Variants in PTPN14 observed in about 807,000 individuals in gnomAD.
PTPN14 encodes protein tyrosine phosphatase non-receptor type 14.
In PTPN14, 53 loss-of-function variants were observed where a neutral mutation model predicts 126.8. The ratio of observed to expected loss-of-function variants is 0.42; its 90% CI spans 0.34 to 0.53. The LOEUF is 0.53. Among genes scored for constraint, PTPN14 ranks in the 20% least tolerant of loss-of-function variants. The probability of loss-of-function intolerance (pLI) is 0.08; values close to 1 mark genes in which losing one functional copy is unlikely to be tolerated. For synonymous variants in PTPN14, 630 were observed against 599.3 expected (o/e 1.05, Z -0.75); for missense variants, 1,257 against 1,552.9 (o/e 0.81, Z 3.20).
intron 1 of PTPN14, chr1:214,533,134 T>C: frequency 1.3e-6 from 1 of 749,408 alleles, no homozygotes; most frequent in Non-Finnish European, 2.4e-6. Flanking sequence ...GAAGGCCAGC[T>C]TGGAGAACAG....
chr1:214,526,819 C>T (rs1025886355), intron 1 of PTPN14, among the ~76,000 whole-genome samples: 3 of 152,102 alleles, frequency 2.0e-5, no homozygotes, highest in Admixed American at 6.6e-5. Context: ...GGGCCGGGCG[C>T]GGTGGCTCAC....
Position 214,402,956 on chromosome 1 carries a change from A to T in PTPN14, c.511-3T>A, listed in dbSNP as rs375018363. ...ACAGCCTCTTCCAGGGCCAAATCCT[A>T]TAAGAATAGAAAGTGCTTAAGGTCA... On this transcript the variant is annotated splice_polypyrimidine_tract_variant and splice_region_variant and intron_variant, in intron 5 of 18. Coordinates refer to ENST00000366956, the MANE Select transcript of PTPN14 (RefSeq NM_005401.5). 10 of 1,613,910 alleles carry T rather than the reference A, an allele frequency of 6.2e-6. No homozygotes were observed. In the South Asian group the frequency reaches 9.9e-5, roughly 16 times the overall value.
chr1:214,481,561 A>G (rs1571610777), intron 1 of PTPN14, among the ~76,000 whole-genome samples: 1 of 151,106 alleles, frequency 6.6e-6, no homozygotes, highest in Non-Finnish European at 1.5e-5. Context: ...CTAGTTATCT[A>G]TTACATATGA....
At chr1:214,495,777 C>T (rs970388945) in intron 1 of PTPN14, among the ~76,000 whole-genome samples, 2 of 152,164 alleles carry the variant, frequency 1.3e-5, no homozygotes, top group Non-Finnish European at 2.9e-5. Flanking sequence ...TCACCGCAAC[C>T]TCCGCCTCCC....
intron 1 of PTPN14, among the ~76,000 whole-genome samples, chr1:214,465,971 T>G (rs1378794871): frequency 7.2e-6 from 1 of 138,130 alleles, no homozygotes. Context: ...TTTTTTTTTT[T>G]GTGAAGACGG....
chr1:214,525,161 C>T (rs958584266), intron 1 of PTPN14, among the ~76,000 whole-genome samples: 1 of 152,146 alleles, frequency 6.6e-6, no homozygotes, highest in African/African-American at 2.4e-5. Flanking sequence ...TCGGTGCCAG[C>T]ACTGTGACAG....
intron 3 of PTPN14, among the ~76,000 whole-genome samples, chr1:214,418,843 G>A (rs1319371839): frequency 1.3e-5 from 2 of 152,188 alleles, no homozygotes; most frequent in Admixed American, 6.5e-5. Flanking sequence ...ATAGAAGGAA[G>A]GGAAAGAAGA....
chr1:214,533,030 A>G, intron 1 of PTPN14: 2 of 751,120 alleles, frequency 2.7e-6, no homozygotes, highest in Non-Finnish European at 4.9e-6. Flanking sequence ...GTCACCACCC[A>G]GTCCGCCCAG....
intron 1 of PTPN14, among the ~76,000 whole-genome samples, chr1:214,495,907 T>C (rs1284211208): frequency 1.3e-5 from 2 of 152,130 alleles, no homozygotes; most frequent in Non-Finnish European, 2.9e-5. Context: ...TTGGTCAGGC[T>C]GGTCTCGAAC....
chr1:214,544,510 G>C (rs904281050), intron 1 of PTPN14, among the ~76,000 whole-genome samples: 1 of 152,204 alleles, frequency 6.6e-6, no homozygotes, highest in African/African-American at 2.4e-5. Flanking sequence ...AACCCTTTGG[G>C]AGGCCAAGGT....
intron 11 of PTPN14, 109 bp from the exon 12 acceptor site, chr1:214,387,031 G>A (rs775309793): frequency 1.3e-5 from 13 of 973,366 alleles, no homozygotes; most frequent in South Asian, 1.2e-4. Flanking sequence ...AGGGAGGCTC[G>A]TGGCAGCTGC....
chr1:214,533,241 G>A, intron 1 of PTPN14: 1 of 648,068 alleles, frequency 1.5e-6, no homozygotes, highest in Non-Finnish European at 2.8e-6. Flanking sequence ...CCCAGGAAGA[G>A]GCGCAACACC....
At chr1:214,404,244 C>T (rs757798680) in intron 5 of PTPN14, among the ~76,000 whole-genome samples, 8 of 152,188 alleles carry the variant, frequency 5.3e-5, no homozygotes, top group South Asian at 2.1e-4. Context: ...AATTCTATAG[C>T]TCTGCACATC....
At chr1:214,433,498 C>T (rs554132043) in intron 3 of PTPN14, among the ~76,000 whole-genome samples, 4 of 152,102 alleles carry the variant, frequency 2.6e-5, no homozygotes, top group African/African-American at 9.6e-5. Context: ...ACTAACAGTT[C>T]ATCACTGTCT....
intron 1 of PTPN14, among the ~76,000 whole-genome samples, chr1:214,538,800 T>C (rs1655770506): frequency 6.6e-6 from 1 of 152,214 alleles, no homozygotes; most frequent in Admixed American, 6.5e-5. Context: ...TTTTCCGTAC[T>C]GTATATATTA....
intron 2 of PTPN14, among the ~76,000 whole-genome samples, chr1:214,458,206 T>C (rs1049540130): frequency 1.3e-5 from 2 of 152,142 alleles, no homozygotes; most frequent in Non-Finnish European, 2.9e-5. Context: ...TGCATCACCA[T>C]GCCTGGCTAA....
At chr1:214,485,641 T>C (rs976757550) in intron 1 of PTPN14, among the ~76,000 whole-genome samples, 1 of 152,158 alleles carries the variant, frequency 6.6e-6, no homozygotes, top group African/African-American at 2.4e-5. Context: ...GAGGCGAATG[T>C]AACCACAGAC....
rs115971170 is a variant in PTPN14, at chr1:214,497,206, G to A, written c.-154-32249C>T. Among the ~76,000 whole-genome samples, 896 of 152,156 alleles carry A rather than the reference G, an allele frequency of 5.9e-3. 7 individuals are homozygous for A. Among genetic ancestry groups the A allele is most frequent in the African/African-American group, 0.021 (861 of 41,524 alleles). ...CATATGTAACAGACAAAAAAAGTTAGTATCAAAGAAATCTCAATAATCGAT... is the reference window on the plus strand; with the variant it reads ...CATATGTAACAGACAAAAAAAGTTAATATCAAAGAAATCTCAATAATCGAT... On this transcript the variant is annotated intron_variant, in intron 1 of 18. Coordinates refer to ENST00000366956, the MANE Select transcript of PTPN14 (RefSeq NM_005401.5).
intron 1 of PTPN14, chr1:214,533,409 T>C (rs1655607677): frequency 1.7e-5 from 7 of 416,012 alleles, no homozygotes; most frequent in South Asian, 1.4e-4. Context: ...GACCACCACC[T>C]GCCGCAAAGT....
Sources: allele counts gnomAD v4.1 joint callset (sites outside exome capture counted in the v4.1 genomes callset), GRCh38; gene constraint gnomAD v4.1.1; transcripts MANE v1.5; gene names NCBI Gene and HGNC (gene_info 2026-07-23, HGNC 2026-07-21).